The following CACNB4 variants were observed in gnomAD, a reference collection of about 807,000 sequenced individuals.
CACNB4 encodes the protein voltage-dependent L-type calcium channel subunit beta-4.
A neutral mutation model predicts 71.2 loss-of-function variants in CACNB4; 32 were observed. That is an observed-to-expected ratio of 0.45 (90% CI 0.34 to 0.60). CACNB4 has a LOEUF of 0.60. CACNB4 is among the 20% of genes least tolerant of loss of function. CACNB4 has a pLI of 0.01. For missense variants in CACNB4, 464 were observed against 647.9 expected (o/e 0.72, Z 3.08); for synonymous variants, 231 against 236.9 (o/e 0.97, Z 0.23).
chr2:151,871,049 AACAG>A, intron 6 of CACNB4, 188 bp from the exon 7 acceptor site: 2 of 603,530 alleles, frequency 3.3e-6, no homozygotes, highest in Non-Finnish European at 6.0e-6. Flanking sequence ...ATGTATGAAA[AACAG>A]ACAGCTTCCT....
At position 151,845,964 on chromosome 2, in the gene CACNB4, C is replaced by T. The variant is rs929285469; in HGVS notation, c.1117-3876G>A. Among the ~76,000 whole-genome samples the T allele has an allele frequency of 2.6e-5, 4 of 152,120 alleles. No homozygotes were observed. In the South Asian group the frequency reaches 8.3e-4, roughly 32 times the overall value. On this transcript the variant is annotated intron_variant, in intron 12 of 13. Transcript: ENST00000539935. ...ATAACGAAGAGTGAAAAACATGCCT[C>T]TAGCTCATTTAGTGGGTATGAAAGC...
chr2:151,841,628 G>C, intron 13 of CACNB4: 1 of 359,066 alleles, frequency 2.8e-6, no homozygotes, highest in Non-Finnish European at 5.1e-6. Context: ...TAGGCATTAC[G>C]TTTGCCAGCA....
At chr2:151,886,753 A>G (rs577981049) in intron 2 of CACNB4, among the ~76,000 whole-genome samples, 16 of 152,196 alleles carry the variant, frequency 1.1e-4, no homozygotes, top group Non-Finnish European at 8.8e-5. Context: ...TCAAGAGCCC[A>G]CATGTGGCCC....
intron 2 of CACNB4, among the ~76,000 whole-genome samples, chr2:151,908,287 G>A (rs1411216143): frequency 6.6e-6 from 1 of 152,244 alleles, no homozygotes; most frequent in African/African-American, 2.4e-5. Context: ...TATTTAGGGA[G>A]AGGTGGTAAA....
At chr2:152,028,883 G>T (rs1684113375) in intron 2 of CACNB4, among the ~76,000 whole-genome samples, 1 of 152,210 alleles carries the variant, frequency 6.6e-6, no homozygotes, top group African/African-American at 2.4e-5. Context: ...GAAAACTAAA[G>T]AAAGTATTTG....
chr2:151,920,755 T>G (rs2099858785), intron 2 of CACNB4, among the ~76,000 whole-genome samples: 1 of 152,150 alleles, frequency 6.6e-6, no homozygotes, highest in African/African-American at 2.4e-5. Context: ...GGATCATAAT[T>G]GACAAGTAAG....
intron 2 of CACNB4, among the ~76,000 whole-genome samples, chr2:152,046,934 A>G (rs1394782052): frequency 6.6e-6 from 1 of 152,140 alleles, no homozygotes; most frequent in Non-Finnish European, 1.5e-5. Flanking sequence ...GATTCAGGCA[A>G]AGTGAAATTT....
At chr2:152,057,731 T>C (rs1042411426) in intron 2 of CACNB4, among the ~76,000 whole-genome samples, 9 of 152,152 alleles carry the variant, frequency 5.9e-5, no homozygotes, top group South Asian at 2.1e-4. Flanking sequence ...AGCAGAGACT[T>C]TGAATTGAAC....
chr2:151,895,948 A>C (rs1163351878), intron 2 of CACNB4, among the ~76,000 whole-genome samples: 3 of 151,782 alleles, frequency 2.0e-5, no homozygotes, highest in Non-Finnish European at 4.4e-5. Context: ...GGGTTCAAGC[A>C]ATTCTCCTGC....
At chr2:151,855,414 A>G (rs2099840032) in intron 10 of CACNB4, 39 bp from the exon 11 acceptor site, 2 of 1,448,864 alleles carry the variant, frequency 1.4e-6, no homozygotes, top group Non-Finnish European at 1.9e-6. Flanking sequence ...GGTTATTGTT[A>G]TGAATTAGTT....
intron 2 of CACNB4, among the ~76,000 whole-genome samples, chr2:151,912,129 C>T (rs562122147): frequency 7.2e-5 from 11 of 152,070 alleles, no homozygotes; most frequent in African/African-American, 9.7e-5. Flanking sequence ...CTCCTGGATT[C>T]GGTGATTTTT....
At chr2:151,945,516 G>A (rs1352867719) in intron 2 of CACNB4, among the ~76,000 whole-genome samples, 2 of 152,058 alleles carry the variant, frequency 1.3e-5, no homozygotes, top group Admixed American at 6.6e-5. Context: ...GCTGGGTGTG[G>A]TGGTGTGTGC....
chr2:151,946,919 G>A (rs531350960), intron 2 of CACNB4, among the ~76,000 whole-genome samples: 63 of 152,296 alleles, frequency 4.1e-4, no homozygotes, highest in Non-Finnish European at 8.5e-4. Flanking sequence ...CGGTGATTCT[G>A]AGTCCTTTAG....
At chr2:152,045,399 T>C (rs1685095164) in intron 2 of CACNB4, among the ~76,000 whole-genome samples, 1 of 152,222 alleles carries the variant, frequency 6.6e-6, no homozygotes, top group South Asian at 2.1e-4. Context: ...GAGGATATCA[T>C]GCTACGTGAA....
rs772827774 is a variant in CACNB4 at position 151,860,836 on chromosome 2, C to A, written c.759-16G>T. 1 of 1,513,416 alleles carries A rather than the reference C, an allele frequency of 6.6e-7. No homozygotes were observed. The highest frequency in any genetic ancestry group is 1.7e-5 in the Admixed American group (1 of 59,562). The allele number at this position is 1,513,416 out of a possible 1,614,324, so 93.7% of individuals were successfully genotyped here. ...TATTGAAATCCTATGAATAGGAACA[C>A]AGAACAGAACAAGCCAGTAAAAATG... is the stretch of plus-strand genomic sequence containing the variant. On this transcript the variant is annotated splice_polypyrimidine_tract_variant and intron_variant, in intron 9 of 13. Coordinates refer to ENST00000539935, the MANE Select transcript of CACNB4 (RefSeq NM_000726.5).
At chr2:151,910,152 CAT>C (rs1219041417) in intron 2 of CACNB4, among the ~76,000 whole-genome samples, 3 of 151,940 alleles carry the variant, frequency 2.0e-5, no homozygotes, top group African/African-American at 7.3e-5. Context: ...TGTTTTTTTT[CAT>C]ATGTTTGTTG....
intron 2 of CACNB4, among the ~76,000 whole-genome samples, chr2:151,993,039 G>A (rs1000523383): frequency 3.3e-5 from 5 of 152,148 alleles, no homozygotes; most frequent in Non-Finnish European, 4.4e-5. Context: ...CTGAAATTGA[G>A]TGGATCTCAC....
chr2:151,907,143 C>T (rs2345155), intron 2 of CACNB4, among the ~76,000 whole-genome samples: 129,213 of 152,004 alleles, frequency 0.85, 56,118 homozygotes, highest in Non-Finnish European at 0.94. Flanking sequence ...GAGTAAATAA[C>T]TTACAGGTAA....
intron 2 of CACNB4, among the ~76,000 whole-genome samples, chr2:151,934,835 CA>C (rs965946051): frequency 2.0e-5 from 3 of 151,342 alleles, no homozygotes; most frequent in Middle Eastern, 3.4e-3. Context: ...GACTCCATCT[CA>C]AAAAAAAGAA....
Sources: allele counts gnomAD v4.1 joint callset (sites outside exome capture counted in the v4.1 genomes callset), GRCh38; gene constraint gnomAD v4.1.1; transcripts MANE v1.5; gene names NCBI Gene and HGNC (gene_info 2026-07-23, HGNC 2026-07-21).